RTF1: variants seen among roughly 807,000 people sequenced by gnomAD.
RTF1 encodes RNA polymerase-associated protein RTF1 homolog.
RTF1 carries 10 observed loss-of-function variants against 95.7 expected under a neutral mutation model. The observed-to-expected ratio is 0.10, with a 90% confidence interval of 0.06 to 0.18. The LOEUF (loss-of-function observed/expected upper bound fraction) is 0.18, where lower values mean the gene tolerates loss of function less well. RTF1 is among the 10% of genes least tolerant of loss of function. The pLI is 1.00. For synonymous variants in RTF1, 305 were observed against 311.8 expected (o/e 0.98, Z 0.23); for missense variants, 458 against 875.6 (o/e 0.52, Z 6.02).
At chr15:41,460,942 T>C (rs1207215175) in intron 4 of RTF1, among the ~76,000 whole-genome samples, 1 of 151,232 alleles carries the variant, frequency 6.6e-6, no homozygotes, top group East Asian at 1.9e-4. Context: ...AGTGACACGA[T>C]CTTGGCTCAC....
intron 2 of RTF1, chr15:41,448,806 T>C (rs1422469701): frequency 6.6e-6 from 1 of 152,138 alleles, no homozygotes; most frequent in Non-Finnish European, 1.5e-5. Flanking sequence ...TAATCTTTTC[T>C]GTATTCTAAT....
intron 4 of RTF1, among the ~76,000 whole-genome samples, chr15:41,459,163 T>C (rs2050834167): frequency 6.6e-6 from 1 of 152,100 alleles, no homozygotes; most frequent in Admixed American, 6.6e-5. Context: ...GGTGGATCAG[T>C]TGATTCCAGG....
intron 2 of RTF1, among the ~76,000 whole-genome samples, chr15:41,451,081 C>T (rs2050787432): frequency 6.6e-6 from 1 of 152,060 alleles, no homozygotes; most frequent in African/African-American, 2.4e-5. Flanking sequence ...AGAACTACAC[C>T]TCTACCCAAC....
At chr15:41,426,944 CA>C (rs1324246309) in intron 1 of RTF1, among the ~76,000 whole-genome samples, 1 of 149,624 alleles carries the variant, frequency 6.7e-6, no homozygotes, top group Non-Finnish European at 1.5e-5. Flanking sequence ...CAGGTTCAAG[CA>C]ATTCTCCTGC....
intron 2 of RTF1, among the ~76,000 whole-genome samples, chr15:41,449,859 T>C (rs929599980): frequency 1.3e-5 from 2 of 151,966 alleles, no homozygotes; most frequent in Non-Finnish European, 2.9e-5. Context: ...CCTAATATAA[T>C]GAACATTTAT....
intron 6 of RTF1, 121 bp downstream of exon 6, chr15:41,466,373 T>G: frequency 1.7e-6 from 1 of 580,176 alleles, no homozygotes; most frequent in Non-Finnish European, 2.9e-6. Flanking sequence ...ATACCCAGAA[T>G]AGTATAAACA....
intron 2 of RTF1, among the ~76,000 whole-genome samples, chr15:41,443,697 C>T (rs1001895769): frequency 3.3e-5 from 5 of 151,698 alleles, no homozygotes; most frequent in African/African-American, 4.8e-5. Context: ...CTGGGAAGTT[C>T]GGGACCAGCC....
At chr15:41,441,002 C>T (rs1202359592) in intron 2 of RTF1, among the ~76,000 whole-genome samples, 3 of 123,594 alleles carry the variant, frequency 2.4e-5, no homozygotes, top group African/African-American at 9.2e-5. Context: ...GACGGAGTCT[C>T]ACTCTGTCAC....
At chr15:41,419,216 T>C (rs74012287) in intron 1 of RTF1, among the ~76,000 whole-genome samples, 2,258 of 152,330 alleles carry the variant, frequency 0.015, 67 homozygotes, top group African/African-American at 0.052. Flanking sequence ...TATTTTTTTC[T>C]GTCTTTTCAT....
intron 7 of RTF1, 52 bp downstream of exon 7, chr15:41,470,444 G>A (rs1287127973): frequency 1.3e-6 from 2 of 1,589,382 alleles, no homozygotes; most frequent in Non-Finnish European, 1.7e-6. Context: ...GGTTTTTGAG[G>A]AAGAGCTTGG....
At chr15:41,453,307 A>G (rs1298763449) in intron 3 of RTF1, among the ~76,000 whole-genome samples, 1 of 152,068 alleles carries the variant, frequency 6.6e-6, no homozygotes, top group African/African-American at 2.4e-5. Context: ...TTAGTCTTGA[A>G]TACCCTGAGT....
intron 1 of RTF1, among the ~76,000 whole-genome samples, chr15:41,425,384 G>A (rs2050623900): frequency 6.6e-6 from 1 of 152,140 alleles, no homozygotes; most frequent in Non-Finnish European, 1.5e-5. Flanking sequence ...GGGATTACAG[G>A]TGTGAGCCAC....
In RTF1 at chr15:41,446,495, G is replaced by A. The variant is rs909800815; in HGVS notation, c.310-6406G>A. On this transcript the variant is annotated intron_variant, in intron 2 of 17. Coordinates refer to ENST00000389629, the MANE Select transcript of RTF1 (RefSeq NM_015138.5). Reference sequence around the variant, plus strand: ...GCAGGAGAATCGCTTGAACCCAGGAGGTGGAGGTTGCAGTGAGCCGAGATT... The same window carrying A: ...GCAGGAGAATCGCTTGAACCCAGGAAGTGGAGGTTGCAGTGAGCCGAGATT... 5.9e-5 allele frequency among the ~76,000 whole-genome samples: 9 copies of A among 152,114 alleles called. No individual in the cohort carries two copies. The East Asian group carries it at 1.7e-3, about 29-fold the overall frequency.
In RTF1 at chr15:41,457,658, G is replaced by C. The variant is rs773212845; in HGVS notation, c.458-14G>C. The C allele has an allele frequency of 1.2e-6, 2 of 1,613,550 alleles. No individual in the cohort carries two copies. Among genetic ancestry groups the C allele is most frequent in the East Asian group, 4.5e-5 (2 of 44,874 alleles). ...GTAGCATAGTGTAATCTTGTGTTTGGGCCTTTGTTGCAGGTGAAGTGTCAG... is the reference window on the plus strand; with the variant it reads ...GTAGCATAGTGTAATCTTGTGTTTGCGCCTTTGTTGCAGGTGAAGTGTCAG... On this transcript the variant is annotated splice_polypyrimidine_tract_variant and intron_variant, in intron 3 of 17. Transcript: ENST00000389629.
At chr15:41,429,042 G>A (rs903518008) in intron 1 of RTF1, among the ~76,000 whole-genome samples, 2 of 151,968 alleles carry the variant, frequency 1.3e-5, no homozygotes, top group Non-Finnish European at 2.9e-5. Context: ...TGGCCACAGC[G>A]AATTGATTTT....
intron 4 of RTF1, among the ~76,000 whole-genome samples, chr15:41,459,266 GGGA>G (rs2050835425): frequency 6.6e-6 from 1 of 151,816 alleles, no homozygotes; most frequent in Admixed American, 6.6e-5. Context: ...CCAGGTACTT[GGGA>G]GGCTGAGTCA....
At chr15:41,448,492 G>A (rs1378146675) in intron 2 of RTF1, among the ~76,000 whole-genome samples, 1 of 152,102 alleles carries the variant, frequency 6.6e-6, no homozygotes, top group East Asian at 1.9e-4. Context: ...TATGGTGAGA[G>A]AACAGACTCA....
chr15:41,468,946 T>G (rs2140649679), intron 6 of RTF1, among the ~76,000 whole-genome samples: 1 of 152,238 alleles, frequency 6.6e-6, no homozygotes, highest in African/African-American at 2.4e-5. Context: ...TTGCAGTTAT[T>G]TTTCCTTCCT....
chr15:41,431,537 G>A (rs1187497665), intron 1 of RTF1, among the ~76,000 whole-genome samples: 2 of 151,974 alleles, frequency 1.3e-5, no homozygotes, highest in East Asian at 1.9e-4. Context: ...TTAAGGCAGT[G>A]TCTTGCTCTA....
Sources: gnomAD v4.1 joint callset for allele counts (sites outside exome capture counted in the v4.1 genomes callset) on GRCh38, gnomAD v4.1.1 for gene constraint, MANE v1.5 for transcripts, NCBI Gene and HGNC (gene_info 2026-07-23, HGNC 2026-07-21) for gene names.